Variants in DPH3 observed in about 807,000 individuals in gnomAD.
DPH3 encodes diphthamide biosynthesis protein 3.
DPH3 carries 8 observed loss-of-function variants against 10.2 expected under a neutral mutation model. The ratio of observed to expected loss-of-function variants is 0.79; its 90% CI spans 0.46 to 1.42. DPH3 has a LOEUF of 1.42. Among genes scored for constraint, DPH3 ranks in the 40% most tolerant of loss-of-function variants. DPH3 has a pLI of 0.00. For synonymous variants in DPH3, 35 were observed against 35.6 expected, an observed-to-expected ratio of 0.98 and a Z score of 0.06; for missense variants, 96 against 98.9, an observed-to-expected ratio of 0.97 and a Z score of 0.12.
chr3:16,264,557 C>T (rs191442689), intron 1 of DPH3: 2 of 602,080 alleles, frequency 3.3e-6, no homozygotes, highest in East Asian at 2.8e-5. Context: ...CCGCCACCCT[C>T]TCCCTGACCT....
At chr3:16,264,064 C>A in intron 2 of DPH3, 91 bp downstream of exon 2, 1 of 761,320 alleles carries the variant, frequency 1.3e-6, no homozygotes, top group Non-Finnish European at 2.0e-6. Context: ...CACAATGAAA[C>A]ATTCTCCTGC....
intron 1 of DPH3, chr3:16,264,524 T>C (rs2064358993): frequency 1.7e-6 from 1 of 576,654 alleles, no homozygotes; most frequent in African/African-American, 1.9e-5. Flanking sequence ...AAGGCAGGGA[T>C]CGGGCAGAGA....
At position 16,260,824 on chromosome 3, in the gene DPH3, C is replaced by T. The variant is rs773167147; in HGVS notation, c.189G>A (p.Gln63=). 6 of 1,613,658 alleles carry T rather than the reference C, an allele frequency of 3.7e-6. No homozygotes were observed. The highest frequency in any genetic ancestry group is 5.1e-6 in the Non-Finnish European group (6 of 1,179,776). The part of the protein sequence containing the change: ...LIIKVIYDKD[Q]FVCGETVPAP... ...CTGGGACTGTTTCTCCACACACAAACTGATCCTAAGACAGAGTGAGAAATG... is the reference window on the plus strand; with the variant it reads ...CTGGGACTGTTTCTCCACACACAAATTGATCCTAAGACAGAGTGAGAAATG... Residue 63 remains glutamine, a synonymous_variant, in exon 3 of 3, where the codon CAG becomes CAA. Transcript: ENST00000488423.
chr3:16,264,098 A>G (rs113293888), intron 2 of DPH3, 57 bp downstream of exon 2: 31 of 1,281,660 alleles, frequency 2.4e-5, no homozygotes, highest in African/African-American at 2.2e-4. Context: ...AAGCTGATCT[A>G]AGTCCTTGCC....
intron 1 of DPH3, 49 bp downstream of exon 1, chr3:16,264,720 C>A (rs773007697): frequency 1.4e-5 from 22 of 1,582,120 alleles, no homozygotes; most frequent in Middle Eastern, 3.6e-4. Context: ...ACGGGCGGAA[C>A]CAAACTGCGC....
chr3:16,258,166 T>C lies in DPH3; in HGVS notation c.*2598A>G, dbSNP rs1212559169. ...TTTTAAACTTGTAAGTGTGGTAACA[T>C]CAAGTTTTGGAAGAATGGACTTTTT... On this transcript the variant is annotated 3_prime_UTR_variant, in exon 3 of 3. Transcript: ENST00000488423. The C allele has an allele frequency of 6.6e-6, 1 of 152,228 alleles. No individual in the cohort carries two copies. Among genetic ancestry groups the C allele is most frequent in the Non-Finnish European group, 1.5e-5 (1 of 68,046 alleles). The allele number at this position is 152,228 out of a possible 1,614,324, so 9.4% of individuals were successfully genotyped here. A position where few individuals can be genotyped will look rare whatever the true frequency, so the allele number is the denominator to read the frequency against.
rs763811482 is a variant in DPH3, at chr3:16,264,175, T to C, written c.163A>G (p.Ile55Val). 10 of 1,611,326 alleles carry C rather than the reference T, an allele frequency of 6.2e-6. No individual in the cohort carries two copies. The highest frequency in any genetic ancestry group is 2.7e-5 in the African/African-American group (2 of 74,956). ...VATCPSCSLI[I>V]KVIYDKDQFV... ...CTTACTTTGTCATAAATCACTTTTA[T>C]AATGAGAGAGCAGCTAGGACACGTT... Residue 55 changes from isoleucine to valine, a missense_variant, in exon 2 of 3, where the codon ATA becomes GTA. Ile to Val is a conservative substitution (Grantham distance 29). Coordinates refer to ENST00000488423, the MANE Select transcript of DPH3 (RefSeq NM_206831.3).
rs1464713244 is a variant in DPH3 at position 16,264,480 on chromosome 3, C to T, written c.109-251G>A. 4 of 555,092 alleles carry T rather than the reference C, an allele frequency of 7.2e-6. No individual in the cohort carries two copies. In the Admixed American group the frequency reaches 9.9e-5, roughly 14 times the overall value. The allele number at this position is 555,092 out of a possible 1,614,324, so 34.4% of individuals were successfully genotyped here. ...GCCCTGGGAAACAAAAAACGAGTCC[C>T]CTCCTCGACAGAAATATCCCAGGTT... On this transcript the variant is annotated intron_variant, in intron 1 of 2. Transcript: ENST00000488423.
rs2064282080 is a variant in DPH3 at position 16,259,998 on chromosome 3, C to T, written c.*766G>A. 6.6e-6 allele frequency: 1 copy of T among 152,246 alleles called. No homozygotes were observed. The highest frequency in any genetic ancestry group is 1.5e-5 in the Non-Finnish European group (1 of 68,042). 9.4% of individuals were successfully genotyped at this position (152,246 alleles called of 1,614,324 possible). Reference sequence around the variant, plus strand: ...ACTGGTATGCTTTGCTCCTCTCATTCTGTCACCAATTTCACTTCTTTTGGA... The same window carrying T: ...ACTGGTATGCTTTGCTCCTCTCATTTTGTCACCAATTTCACTTCTTTTGGA... On this transcript the variant is annotated 3_prime_UTR_variant, in exon 3 of 3. Coordinates refer to ENST00000488423, the MANE Select transcript of DPH3 (RefSeq NM_206831.3).
chr3:16,264,590 C>G, intron 1 of DPH3, 179 bp downstream of exon 1: 1 of 647,050 alleles, frequency 1.5e-6, no homozygotes, highest in Non-Finnish European at 2.7e-6. Flanking sequence ...GAACTGCGTG[C>G]CTACCGAGAG....
At position 16,263,690 on chromosome 3, in the gene DPH3, T is replaced by C. The variant is rs934912873; in HGVS notation, c.183+465A>G. ...GTCAACATCCTTGGGTGAAAGATAA[T>C]AGGGCAACTAAAGACTAAAATGAAA... On this transcript the variant is annotated intron_variant, in intron 2 of 2. Coordinates refer to ENST00000488423, the MANE Select transcript of DPH3 (RefSeq NM_206831.3). This position sits in a 1 kb window ranked among gnomAD's most constrained non-coding sequence, Gnocchi z 4.0. Among the ~76,000 whole-genome samples the C allele has an allele frequency of 1.3e-5, 2 of 152,056 alleles. No homozygotes were observed. Among genetic ancestry groups the C allele is most frequent in the African/African-American group, 4.8e-5 (2 of 41,390 alleles).
chr3:16,258,093 T>C lies in DPH3; in HGVS notation c.*2671A>G, dbSNP rs1237022923. On this transcript the variant is annotated 3_prime_UTR_variant, in exon 3 of 3. Coordinates refer to ENST00000488423, the MANE Select transcript of DPH3 (RefSeq NM_206831.3). ...TTTTTCCAAGAAAAATGTTTCTGAA[T>C]GTGCACACTAGAATATATGCAGAAT... 3 of 152,272 alleles carry C rather than the reference T, an allele frequency of 2.0e-5. No individual in the cohort carries two copies. The highest frequency in any genetic ancestry group is 2.0e-4 in the Admixed American group (3 of 15,288). 9.4% of individuals were successfully genotyped at this position (152,272 alleles called of 1,614,324 possible). A position where few individuals can be genotyped will look rare whatever the true frequency, so the allele number is the denominator to read the frequency against.
chr3:16,264,089 A>C, intron 2 of DPH3, 66 bp downstream of exon 2: 1 of 1,171,548 alleles, frequency 8.5e-7, no homozygotes, highest in Non-Finnish European at 1.2e-6. Context: ...ATCACTGACA[A>C]GCTGATCTAA....
In DPH3 at chr3:16,262,398, G is replaced by A. The variant is rs1044766845; in HGVS notation, c.184-1569C>T. 2.6e-5 allele frequency among the ~76,000 whole-genome samples: 4 copies of A among 152,158 alleles called. No individual in the cohort carries two copies. The highest frequency in any genetic ancestry group is 2.1e-4 in the South Asian group (1 of 4,824). ...CTTGATTGCTTCCTATCAGTGTCAC[G>A]TGACAAGGATCACCACTTCCTCAAT... On this transcript the variant is annotated intron_variant, in intron 2 of 2. Coordinates refer to ENST00000488423, the MANE Select transcript of DPH3 (RefSeq NM_206831.3). This position sits in a 1 kb window ranked among gnomAD's most constrained non-coding sequence, Gnocchi z 4.7.
In DPH3 at chr3:16,258,203, G is replaced by C. The variant is rs1415638075; in HGVS notation, c.*2561C>G. On this transcript the variant is annotated 3_prime_UTR_variant, in exon 3 of 3. Coordinates refer to ENST00000488423, the MANE Select transcript of DPH3 (RefSeq NM_206831.3). ...AGAATGGACTTTTTCTGTAATTCAT[G>C]ATTTAGTTTGAGTTTATAAAGGTTT... The C allele has an allele frequency of 6.6e-6, 1 of 152,158 alleles. No individual in the cohort carries two copies. Among genetic ancestry groups the C allele is most frequent in the Non-Finnish European group, 1.5e-5 (1 of 68,028 alleles). The allele number at this position is 152,158 out of a possible 1,614,324, so 9.4% of individuals were successfully genotyped here. A position where few individuals can be genotyped will look rare whatever the true frequency, so the allele number is the denominator to read the frequency against.
Position 16,263,361 on chromosome 3 carries a change from C to G in DPH3, c.183+794G>C, listed in dbSNP as rs926363199. Reference sequence around the variant, plus strand: ...CCTATTAAGGCCTTTCTCAGTAAGGCCTGCCATGATCACCCTATGGAAAAC... The same window carrying G: ...CCTATTAAGGCCTTTCTCAGTAAGGGCTGCCATGATCACCCTATGGAAAAC... On this transcript the variant is annotated intron_variant, in intron 2 of 2. Transcript: ENST00000488423. The surrounding 1 kb of genome is among the most constrained non-coding windows in gnomAD (Gnocchi z 4.0). Among the ~76,000 whole-genome samples, 13 of 152,220 alleles carry G rather than the reference C, an allele frequency of 8.5e-5. No homozygotes were observed. Among genetic ancestry groups the G allele is most frequent in the Non-Finnish European group, 4.4e-5 (3 of 68,046 alleles).
At position 16,261,982 on chromosome 3, in the gene DPH3, A is replaced by C. The variant is rs958894209; in HGVS notation, c.184-1153T>G. ...TCCTACCACCCTTTCACTGCCCCTC[A>C]CTCCCTTCATGTTCTCTTTACCTAG... On this transcript the variant is annotated intron_variant, in intron 2 of 2. Coordinates refer to ENST00000488423, the MANE Select transcript of DPH3 (RefSeq NM_206831.3). The surrounding 1 kb of genome is among the most constrained non-coding windows in gnomAD (Gnocchi z 7.1). 4.0e-5 allele frequency among the ~76,000 whole-genome samples: 6 copies of C among 151,400 alleles called. No homozygotes were observed. Among genetic ancestry groups the C allele is most frequent in the African/African-American group, 1.5e-4 (6 of 41,142 alleles).
intron 1 of DPH3, chr3:16,264,559 C>T (rs1264286465): frequency 3.3e-6 from 2 of 604,598 alleles, no homozygotes; most frequent in Non-Finnish European, 2.9e-6. Context: ...GCCACCCTCT[C>T]CCTGACCTAA....
At position 16,258,104 on chromosome 3, in the gene DPH3, G is replaced by C. The variant is rs2064265663; in HGVS notation, c.*2660C>G. On this transcript the variant is annotated 3_prime_UTR_variant, in exon 3 of 3. Transcript: ENST00000488423. ...AAAATGTTTCTGAATGTGCACACTA[G>C]AATATATGCAGAATCCTTTAAACAG... 2 of 152,200 alleles carry C rather than the reference G, an allele frequency of 1.3e-5. No homozygotes were observed. The highest frequency in any genetic ancestry group is 2.9e-5 in the Non-Finnish European group (2 of 68,038). 9.4% of individuals were successfully genotyped at this position (152,200 alleles called of 1,614,324 possible).
Sources: allele counts gnomAD v4.1 joint callset (sites outside exome capture counted in the v4.1 genomes callset), GRCh38; gene constraint gnomAD v4.1.1; non-coding constraint Gnocchi (gnomAD v3.1); transcripts MANE v1.5; gene names NCBI Gene and HGNC (gene_info 2026-07-23, HGNC 2026-07-21).